STOX2: variants seen among roughly 807,000 people sequenced by gnomAD.
The protein encoded by STOX2 is storkhead-box protein 2.
Under a neutral mutation model 60.9 loss-of-function variants are expected in STOX2, and 28 were observed. The ratio of observed to expected loss-of-function variants is 0.46; its 90% CI spans 0.34 to 0.63. STOX2 has a LOEUF of 0.63. STOX2 is among the 30% of genes least tolerant of loss of function. The pLI, the probability that STOX2 is intolerant of heterozygous loss-of-function variation, is 0.01. For synonymous variants in STOX2, 472 were observed against 463.9 expected, an observed-to-expected ratio of 1.02 and a Z score of -0.22; for missense variants, 1,024 against 1,187.7, an observed-to-expected ratio of 0.86 and a Z score of 2.03.
At chr4:183,846,699 A>G (rs927164606) in intron 1 of STOX2, among the ~76,000 whole-genome samples, 1 of 152,134 alleles carries the variant, frequency 6.6e-6, no homozygotes, top group Non-Finnish European at 1.5e-5. Context: ...TTCTTAAAGC[A>G]TTTCAACATA....
At chr4:183,818,997 C>G (rs369140359) in intron 1 of STOX2, among the ~76,000 whole-genome samples, 2 of 152,004 alleles carry the variant, frequency 1.3e-5, no homozygotes, top group African/African-American at 2.4e-5. Context: ...GGTGGCCGGG[C>G]AGAGACCCTC....
At position 183,929,691 on chromosome 4, in the gene STOX2, A is replaced by G. The variant is rs1195524518; in HGVS notation, c.166+22735A>G. ...CGCGCTGCCATTCCACATAAAACCA[A>G]AAAAAGGACCATTTAGCAGTATTGT... On this transcript the variant is annotated intron_variant, in intron 1 of 3. Transcript: ENST00000308497. Among the ~76,000 whole-genome samples, 4 of 152,284 alleles carry G rather than the reference A, an allele frequency of 2.6e-5. No homozygotes were observed. In the South Asian group the frequency reaches 6.2e-4, roughly 24 times the overall value.
intron 1 of STOX2, among the ~76,000 whole-genome samples, chr4:183,957,495 A>G (rs1743285282): frequency 1.6e-5 from 2 of 126,064 alleles, no homozygotes; most frequent in African/African-American, 3.9e-5. Context: ...GAACGAAAAT[A>G]AGCACTGTCC....
At chr4:183,846,683 AT>A (rs980404707) in intron 1 of STOX2, among the ~76,000 whole-genome samples, 11 of 152,006 alleles carry the variant, frequency 7.2e-5, no homozygotes, top group African/African-American at 2.7e-4. Flanking sequence ...TTGCTTGTAT[AT>A]TTTTTTCTTA....
In STOX2 at chr4:184,011,289, A is replaced by G. The variant is rs1734160832; in HGVS notation, c.2451A>G (p.Lys817=). 3.1e-6 allele frequency: 5 copies of G among 1,613,976 alleles called. No individual in the cohort carries two copies. The East Asian group carries it at 6.7e-5, about 22-fold the overall frequency. Residue 817 remains lysine (K), a synonymous_variant, in exon 3 of 4, where the codon AAA becomes AAG. Coordinates refer to ENST00000308497, the MANE Select transcript of STOX2 (RefSeq NM_020225.3). This position sits in a 1 kb window ranked among gnomAD's most constrained non-coding sequence, Gnocchi z 4.4. ...AGAAGGAAAGAGACTTGCAGAGGAA[A>G]TTTGAAAAGAACCTCACCCTTCTTG... ...EREKERDLQR[K]FEKNLTLLAP...
chr4:183,912,932 G>GT (rs1741822732), intron 1 of STOX2, among the ~76,000 whole-genome samples: 1 of 152,188 alleles, frequency 6.6e-6, no homozygotes, highest in Non-Finnish European at 1.5e-5. Context: ...ATCTCCCATT[G>GT]TGATTGGTAG....
intron 1 of STOX2, among the ~76,000 whole-genome samples, chr4:183,834,113 A>G (rs1386029313): frequency 1.3e-5 from 2 of 151,918 alleles, no homozygotes; most frequent in Non-Finnish European, 2.9e-5. Context: ...TTCTCCATCT[A>G]TAGAATGGCT....
At chr4:183,933,922 T>C (rs1176575886) in intron 1 of STOX2, among the ~76,000 whole-genome samples, 1 of 152,036 alleles carries the variant, frequency 6.6e-6, no homozygotes, top group East Asian at 1.9e-4. Flanking sequence ...AGAATAAAAA[T>C]AGGAAAGTAA....
In STOX2 at chr4:184,022,229, G is replaced by A. The variant is rs1161672075; in HGVS notation, c.*4945G>A. 6.6e-6 allele frequency: 1 copy of A among 152,084 alleles called. No individual in the cohort carries two copies. Among genetic ancestry groups the A allele is most frequent in the Admixed American group, 6.5e-5 (1 of 15,272 alleles). 9.4% of individuals were successfully genotyped at this position (152,084 alleles called of 1,614,324 possible). On this transcript the variant is annotated 3_prime_UTR_variant, in exon 4 of 4. Transcript: ENST00000308497. ...TTTTCCCACAGATTTTTATTCAGGCGATGTTTCATAAATTACATATATGAA... is the reference window on the plus strand; with the variant it reads ...TTTTCCCACAGATTTTTATTCAGGCAATGTTTCATAAATTACATATATGAA...
chr4:183,946,414 G>A (rs968900103), intron 1 of STOX2, among the ~76,000 whole-genome samples: 2 of 152,060 alleles, frequency 1.3e-5, no homozygotes, highest in Admixed American at 1.3e-4. Context: ...TGAGGAGGGG[G>A]GGTTGGGCCT....
In STOX2 at chr4:183,860,446, A is replaced by AAAC. The variant is rs772004174; in HGVS notation, c.364+62393_364+62394insCAA. ...AAACAAACAAAAAACAAAAAACAAA[A>AAAC]AAAAAAAAAAAAGAAGAAAAAGAAG... is the stretch of plus-strand genomic sequence containing the variant. On this transcript the variant is annotated intron_variant, in intron 1 of 2. Transcript: ENST00000513034. Among the ~76,000 whole-genome samples, 275 of 135,212 alleles carry AAAC rather than the reference A, an allele frequency of 2.0e-3. 2 individuals are homozygous for AAAC. Among genetic ancestry groups the AAAC allele is most frequent in the Middle Eastern group, 3.5e-3 (1 of 286 alleles). The allele number at this position is 135,212 out of a possible 152,430, so 88.7% of individuals were successfully genotyped here. A position where few individuals can be genotyped will look rare whatever the true frequency, so the allele number is the denominator to read the frequency against.
At chr4:183,805,543 C>T (rs1277791654) in intron 1 of STOX2, among the ~76,000 whole-genome samples, 3 of 152,194 alleles carry the variant, frequency 2.0e-5, no homozygotes, top group Non-Finnish European at 4.4e-5. Context: ...CATGGTGGCT[C>T]ACGCCTATAA....
At chr4:183,985,227 T>C (rs1308086181) in intron 1 of STOX2, among the ~76,000 whole-genome samples, 1 of 152,132 alleles carries the variant, frequency 6.6e-6, no homozygotes, top group Non-Finnish European at 1.5e-5. Flanking sequence ...ACATATAGGT[T>C]TTGACATTTT....
chr4:183,935,550 A>G (rs1352304127), intron 1 of STOX2, among the ~76,000 whole-genome samples: 1 of 152,256 alleles, frequency 6.6e-6, no homozygotes, highest in Admixed American at 6.5e-5. Flanking sequence ...CCAGGGGCCC[A>G]GCAGTTTGGT....
chr4:183,818,065 AT>A (rs1341556338), intron 1 of STOX2, among the ~76,000 whole-genome samples: 1 of 151,578 alleles, frequency 6.6e-6, no homozygotes, highest in Non-Finnish European at 1.5e-5. Context: ...GCGACTATAA[AT>A]ATTTTTCTTT....
At chr4:183,858,415 C>T (rs1204040040) in intron 1 of STOX2, among the ~76,000 whole-genome samples, 3 of 152,224 alleles carry the variant, frequency 2.0e-5, no homozygotes, top group East Asian at 3.8e-4. Context: ...TGTCGTTGCG[C>T]TCAGCTCTGC....
At chr4:184,015,509 T>C (rs1160549447) in intron 3 of STOX2, 1 of 104,650 alleles carries the variant, frequency 9.6e-6, no homozygotes, top group Non-Finnish European at 2.8e-5. Flanking sequence ...GGTTTGTTTG[T>C]TTGTTTGTTT....
At chr4:183,816,039 C>G (rs1560828403) in intron 1 of STOX2, among the ~76,000 whole-genome samples, 1 of 152,160 alleles carries the variant, frequency 6.6e-6, no homozygotes, top group Non-Finnish European at 1.5e-5. Flanking sequence ...ACTTTGCAGG[C>G]CTGCCAAATT....
At chr4:183,920,150 C>T (rs1056905630) in intron 1 of STOX2, among the ~76,000 whole-genome samples, 4 of 151,472 alleles carry the variant, frequency 2.6e-5, no homozygotes, top group African/African-American at 9.7e-5. Flanking sequence ...GGGTCTTGCT[C>T]TGTCACCCAG....
Sources: allele counts gnomAD v4.1 joint callset (sites outside exome capture counted in the v4.1 genomes callset), GRCh38; gene constraint gnomAD v4.1.1; non-coding constraint Gnocchi (gnomAD v3.1); transcripts MANE v1.5; gene names NCBI Gene and HGNC (gene_info 2026-07-23, HGNC 2026-07-21).